Variants in GNA12 observed in about 807,000 individuals in gnomAD.
GNA12 encodes the protein G protein subunit alpha 12.
Under a neutral mutation model 26.0 loss-of-function variants are expected in GNA12, and 9 were observed. The ratio of observed to expected loss-of-function variants is 0.35; its 90% CI spans 0.21 to 0.60. The LOEUF (loss-of-function observed/expected upper bound fraction) is 0.60. Among genes scored for constraint, GNA12 ranks in the 20% least tolerant of loss-of-function variants. The probability of loss-of-function intolerance (pLI) is 0.78; values close to 1 mark genes in which losing one functional copy is unlikely to be tolerated. For synonymous variants in GNA12, 264 were observed against 219.6 expected (o/e 1.20, Z -1.79); for missense variants, 405 against 525.8 (o/e 0.77, Z 2.25).
At chr7:2,783,888 T>C (rs1792296746) in intron 2 of GNA12, among the ~76,000 whole-genome samples, 3 of 152,052 alleles carry the variant, frequency 2.0e-5, no homozygotes, top group East Asian at 1.9e-4. Flanking sequence ...TTTCACCACA[T>C]TGGCCAGGCT....
At chr7:2,768,246 A>G (rs972431183) in intron 2 of GNA12, among the ~76,000 whole-genome samples, 1 of 152,208 alleles carries the variant, frequency 6.6e-6, no homozygotes, top group African/African-American at 2.4e-5. Context: ...TTGCTGCCAA[A>G]TAAGTGATCG....
chr7:2,829,191 T>C (rs1793548168), intron 1 of GNA12, among the ~76,000 whole-genome samples: 2 of 152,208 alleles, frequency 1.3e-5, no homozygotes, highest in East Asian at 1.9e-4. Flanking sequence ...TTTGCTGCTC[T>C]TGGCCCTCAC....
intron 2 of GNA12, among the ~76,000 whole-genome samples, chr7:2,751,399 G>GAAAAAAAA (rs67434697): frequency 2.0e-5 from 2 of 101,198 alleles, no homozygotes; most frequent in Non-Finnish European, 2.1e-5. Flanking sequence ...AAAGAAAAAA[G>GAAAAAAAA]AAAAAAAAAA....
chr7:2,750,221 G>A (rs532302813), intron 2 of GNA12, among the ~76,000 whole-genome samples: 3 of 152,176 alleles, frequency 2.0e-5, no homozygotes, highest in Non-Finnish European at 2.9e-5. Flanking sequence ...AGAACAAACT[G>A]CAAGTCCCAG....
At chr7:2,745,872 A>G (rs905891360) in intron 2 of GNA12, among the ~76,000 whole-genome samples, 3 of 152,070 alleles carry the variant, frequency 2.0e-5, no homozygotes, top group African/African-American at 7.3e-5. Flanking sequence ...TTGCAATCCT[A>G]GTCTCTGATA....
intron 2 of GNA12, among the ~76,000 whole-genome samples, chr7:2,751,524 A>G (rs1021269337): frequency 1.3e-4 from 20 of 152,222 alleles, no homozygotes; most frequent in African/African-American, 4.8e-4. Context: ...AGAAAATAAC[A>G]AAGATGAGAT....
chr7:2,742,958 C>G (rs798512), intron 2 of GNA12, among the ~76,000 whole-genome samples: 61,639 of 152,118 alleles, frequency 0.41, 12,731 homozygotes, highest in Admixed American at 0.47. Flanking sequence ...CAGGTGCACA[C>G]TCACATCACC....
At chr7:2,837,505 A>T (rs1778872102) in intron 1 of GNA12, among the ~76,000 whole-genome samples, 1 of 152,240 alleles carries the variant, frequency 6.6e-6, no homozygotes, top group African/African-American at 2.4e-5. Context: ...AACCCCAAAT[A>T]TAATAAATGG....
intron 2 of GNA12, among the ~76,000 whole-genome samples, chr7:2,735,524 G>C (rs1180554629): frequency 6.6e-6 from 1 of 152,170 alleles, no homozygotes; most frequent in African/African-American, 2.4e-5. Flanking sequence ...ATCAGGACAA[G>C]CTCGATGGGA....
rs559718747 is a variant in GNA12 at position 2,841,604 on chromosome 7, G to A, written c.309+2249C>T. Among the ~76,000 whole-genome samples the A allele has an allele frequency of 2.0e-5, 3 of 152,054 alleles. No homozygotes were observed. In the East Asian group the frequency reaches 5.8e-4, roughly 29 times the overall value. The stretch of plus-strand genomic sequence containing the variant: ...CTTGGAAAGAGGTAAAATGAAAAAG[G>A]GTGTTTTATCAAATTATTTTCTTCC... On this transcript the variant is annotated intron_variant, in intron 1 of 3. Coordinates refer to ENST00000275364, the MANE Select transcript of GNA12 (RefSeq NM_007353.3).
At chr7:2,743,756 G>T (rs1305758594) in intron 2 of GNA12, among the ~76,000 whole-genome samples, 2 of 152,290 alleles carry the variant, frequency 1.3e-5, no homozygotes, top group South Asian at 2.1e-4. Flanking sequence ...AAGGGGTCAG[G>T]GAATTCCCTT....
intron 1 of GNA12, among the ~76,000 whole-genome samples, chr7:2,818,397 C>A (rs1373472743): frequency 2.0e-5 from 3 of 152,210 alleles, no homozygotes. Flanking sequence ...GGAGCATAGT[C>A]TCTCCAACGG....
intron 2 of GNA12, among the ~76,000 whole-genome samples, chr7:2,772,546 T>G (rs1791975398): frequency 1.4e-5 from 2 of 146,602 alleles, no homozygotes; most frequent in Non-Finnish European, 3.0e-5. Flanking sequence ...GGCAACAGAG[T>G]GAGACTCCAT....
intron 2 of GNA12, among the ~76,000 whole-genome samples, chr7:2,743,061 G>A (rs1370326449): frequency 2.0e-5 from 3 of 152,170 alleles, no homozygotes; most frequent in Non-Finnish European, 4.4e-5. Context: ...GGACAGAGCT[G>A]GGGCAACCAG....
chr7:2,803,034 G>A (rs561329725), intron 1 of GNA12, among the ~76,000 whole-genome samples: 1 of 152,324 alleles, frequency 6.6e-6, no homozygotes, highest in East Asian at 1.9e-4. Context: ...CCCCCTCTTG[G>A]CTCTGCCAGT....
At chr7:2,773,423 G>A (rs539720524) in intron 2 of GNA12, among the ~76,000 whole-genome samples, 1 of 152,148 alleles carries the variant, frequency 6.6e-6, no homozygotes, top group Non-Finnish European at 1.5e-5. Flanking sequence ...TTAGCCAGGC[G>A]TGGTGGTGGG....
At chr7:2,793,902 A>G (rs1355971748) in intron 2 of GNA12, among the ~76,000 whole-genome samples, 3 of 151,256 alleles carry the variant, frequency 2.0e-5, no homozygotes, top group African/African-American at 7.3e-5. Context: ...AAAAAAAGGA[A>G]AAAAAAAGAC....
intron 2 of GNA12, among the ~76,000 whole-genome samples, chr7:2,778,593 G>A (rs537610219): frequency 6.6e-6 from 1 of 152,184 alleles, no homozygotes; most frequent in Admixed American, 6.5e-5. Context: ...GGAGATGAAT[G>A]GAAGAAAATC....
rs573112084 is a variant in GNA12, at chr7:2,731,117, C to G, written c.*64G>C. 4.5e-6 allele frequency: 5 copies of G among 1,116,396 alleles called. No individual in the cohort carries two copies. The Admixed American group carries it at 9.5e-5, about 21-fold the overall frequency. 69.2% of individuals were successfully genotyped at this position (1,116,396 alleles called of 1,614,324 possible). ...TCAAGGACCACACAGACAACACACA[C>G]CCAAGAGTCTGACCGACAGCCGTGG... On this transcript the variant is annotated 3_prime_UTR_variant, in exon 4 of 4. Transcript: ENST00000275364. The surrounding 1 kb of genome is among the most constrained non-coding windows in gnomAD (Gnocchi z 6.0).
Sources: gnomAD v4.1 joint callset for allele counts (sites outside exome capture counted in the v4.1 genomes callset) on GRCh38, gnomAD v4.1.1 for gene constraint, Gnocchi (gnomAD v3.1) non-coding constraint, MANE v1.5 for transcripts, NCBI Gene and HGNC (gene_info 2026-07-23, HGNC 2026-07-21) for gene names.